The following TNRC6C variants were observed in gnomAD, a reference collection of about 807,000 sequenced individuals.
The protein encoded by TNRC6C is trinucleotide repeat-containing gene 6C protein.
TNRC6C carries 20 observed loss-of-function variants against 153.7 expected under a neutral mutation model. The observed-to-expected ratio is 0.13, with a 90% CI of 0.09 to 0.19. The LOEUF is 0.19. Ranked by LOEUF, TNRC6C falls within the 10% of genes least tolerant of loss-of-function variation. TNRC6C has a pLI of 1.00. For missense variants in TNRC6C, 1,987 were observed against 2,172.0 expected (o/e 0.91, Z 1.69); for synonymous variants, 811 against 841.4 (o/e 0.96, Z 0.63).
chr17:78,091,548 A>C, exon 14 of TNRC6C: 1 of 1,603,894 alleles, frequency 6.2e-7, no homozygotes, highest in Non-Finnish European at 8.5e-7. Context: ...ACGCACCCCA[A>C]CTCCATGGAT....
At position 78,104,219 on chromosome 17, in the gene TNRC6C, T is replaced by C. The variant is rs1459153246; in HGVS notation, c.4713-266T>C. ...AGTCATTCCTGTTTTTAGCCCAGGA[T>C]GCAAATGACACTGACCCTAAACGAG... is the stretch of plus-strand genomic sequence containing the variant. On this transcript the variant is annotated intron_variant, in intron 19 of 19. Transcript: ENST00000301624. The surrounding 1 kb of genome is among the most constrained non-coding windows in gnomAD (Gnocchi z 6.2). Among the ~76,000 whole-genome samples the C allele has an allele frequency of 6.6e-6, 1 of 152,214 alleles. No homozygotes were observed. The highest frequency in any genetic ancestry group is 1.5e-5 in the Non-Finnish European group (1 of 68,042).
intron 3 of TNRC6C, among the ~76,000 whole-genome samples, chr17:78,051,694 A>G (rs1304505115): frequency 1.3e-5 from 2 of 152,260 alleles, no homozygotes; most frequent in East Asian, 3.9e-4. Flanking sequence ...CATCAAGCGA[A>G]TGTTTTGGTG....
At position 78,098,383 on chromosome 17, in the gene TNRC6C, T is replaced by C. The variant is rs374490552; in HGVS notation, c.4347T>C (p.Pro1449=). Residue 1449 remains proline, a synonymous_variant, in exon 17 of 20, where the codon CCT becomes CCC. Transcript: ENST00000301624. Reference sequence around the variant, plus strand: ...TCAAATCGACGTGGTCCTCTGGCCCTACCTCCCACACGCAAGCCTCTCTGT... The same window carrying C: ...TCAAATCGACGTGGTCCTCTGGCCCCACCTCCCACACGCAAGCCTCTCTGT... 1.1e-5 allele frequency: 17 copies of C among 1,613,834 alleles called. No individual in the cohort carries two copies. The African/African-American group carries it at 1.7e-4, about 16-fold the overall frequency.
At chr17:78,004,795 A>G (rs984635060), upstream of TNRC6C, among the ~76,000 whole-genome samples, 5 of 152,198 alleles carry the variant, frequency 3.3e-5, no homozygotes, top group African/African-American at 1.2e-4. Context: ...TTTAAACAGT[A>G]TACCTATTAG....
At chr17:78,031,054 G>T (rs1478136716) in intron 1 of TNRC6C, among the ~76,000 whole-genome samples, 2 of 151,994 alleles carry the variant, frequency 1.3e-5, no homozygotes, top group Non-Finnish European at 2.9e-5. Flanking sequence ...AGCTAAGATG[G>T]TGCCATACTG....
intron 1 of TNRC6C, among the ~76,000 whole-genome samples, chr17:77,979,014 T>A (rs532868637): frequency 6.6e-6 from 1 of 152,246 alleles, no homozygotes; most frequent in East Asian, 1.9e-4. Flanking sequence ...AGTCAAAAAC[T>A]AAGCATATAA....
At chr17:78,063,808 G>A (rs777334393) in intron 3 of TNRC6C, among the ~76,000 whole-genome samples, 1 of 152,058 alleles carries the variant, frequency 6.6e-6, no homozygotes, top group South Asian at 2.1e-4. Context: ...ATGGTCAAAA[G>A]ATAAACAAGA....
At chr17:78,098,050 G>A (rs569852054) in intron 16 of TNRC6C, among the ~76,000 whole-genome samples, 189 bp downstream of exon 19, 24 of 152,328 alleles carry the variant, frequency 1.6e-4, no homozygotes, top group African/African-American at 5.5e-4. Context: ...CAGCTTGCAC[G>A]CACATGGAAG....
At chr17:78,055,753 G>C (rs1260817339) in intron 3 of TNRC6C, among the ~76,000 whole-genome samples, 1 of 152,132 alleles carries the variant, frequency 6.6e-6, no homozygotes, top group Non-Finnish European at 1.5e-5. Flanking sequence ...GTCTGGCCAT[G>C]GTTGGCAGTC....
intron 3 of TNRC6C, among the ~76,000 whole-genome samples, chr17:78,063,000 C>T (rs1468759520): frequency 6.6e-6 from 1 of 152,074 alleles, no homozygotes; most frequent in African/African-American, 2.4e-5. Flanking sequence ...AATCCCAGCA[C>T]TTTGGGAGGC....
At chr17:78,070,130 T>C (rs755185713) in intron 5 of TNRC6C, among the ~76,000 whole-genome samples, 3 of 151,706 alleles carry the variant, frequency 2.0e-5, no homozygotes, top group Non-Finnish European at 2.9e-5. Flanking sequence ...TCATGAGGAG[T>C]AGAAGTGATT....
intron 1 of TNRC6C, among the ~76,000 whole-genome samples, chr17:78,012,860 G>C (rs35554570): frequency 6.6e-6 from 1 of 152,156 alleles, no homozygotes; most frequent in South Asian, 2.1e-4. Context: ...AAAGGATTTA[G>C]GTTTGGTCAT....
intron 3 of TNRC6C, among the ~76,000 whole-genome samples, chr17:78,058,091 C>A (rs865866757): frequency 6.6e-6 from 1 of 152,174 alleles, no homozygotes; most frequent in Non-Finnish European, 1.5e-5. Flanking sequence ...GCTCCAGAGG[C>A]CGCACTTGAC....
At chr17:78,054,918 G>A (rs1260684345) in intron 3 of TNRC6C, among the ~76,000 whole-genome samples, 2 of 148,526 alleles carry the variant, frequency 1.3e-5, no homozygotes, top group African/African-American at 5.0e-5. Context: ...ACTACTGTAT[G>A]CTACCATACA....
In TNRC6C at chr17:78,079,250, A is replaced by G. The variant is rs1402809499; in HGVS notation, c.3211-145A>G. ...GGTGACAGAACAAGACTCTGTCTCA[A>G]AAAAATTCTCTTGGGTACAAGTTGA... On this transcript the variant is annotated intron_variant, in intron 9 of 19. Coordinates refer to ENST00000301624, the Ensembl canonical transcript of TNRC6C. The surrounding 1 kb of genome is among the most constrained non-coding windows in gnomAD (Gnocchi z 4.3). 6.3e-6 allele frequency: 8 copies of G among 1,262,988 alleles called. No individual in the cohort carries two copies. In the South Asian group the frequency reaches 7.3e-5, roughly 12 times the overall value. The allele number at this position is 1,262,988 out of a possible 1,614,324, so 78.2% of individuals were successfully genotyped here.
chr17:78,028,050 C>T (rs1268633912), intron 1 of TNRC6C, among the ~76,000 whole-genome samples: 1 of 152,260 alleles, frequency 6.6e-6, no homozygotes, highest in African/African-American at 2.4e-5. Context: ...CGCCCGCCAC[C>T]ATGCCCGGCT....
chr17:78,059,446 A>C (rs1292659909), intron 3 of TNRC6C, among the ~76,000 whole-genome samples: 1 of 152,148 alleles, frequency 6.6e-6, no homozygotes, highest in Non-Finnish European at 1.5e-5. Context: ...GTAGGAAGAG[A>C]TGCTTCTCAG....
At position 78,073,019 on chromosome 17, in the gene TNRC6C, C is replaced by T; in HGVS notation, c.2860-18C>T. The T allele has an allele frequency of 6.5e-7, 1 of 1,547,788 alleles. No individual in the cohort carries two copies. The highest frequency in any genetic ancestry group is 8.7e-7 in the Non-Finnish European group (1 of 1,144,262). ...GTTAATTAATGTGCACTAATGAAAACTCTGTTTTCCTACACAGAGAGAGCC... is the reference window on the plus strand; with the variant it reads ...GTTAATTAATGTGCACTAATGAAAATTCTGTTTTCCTACACAGAGAGAGCC... On this transcript the variant is annotated intron_variant, in intron 6 of 19. Transcript: ENST00000301624.
At chr17:78,016,897 C>T (rs1383279928) in intron 1 of TNRC6C, among the ~76,000 whole-genome samples, 2 of 152,152 alleles carry the variant, frequency 1.3e-5, no homozygotes, top group Admixed American at 1.3e-4. Flanking sequence ...CGCCCTTGCC[C>T]ACATGTTATG....
Sources: allele counts gnomAD v4.1 joint callset (sites outside exome capture counted in the v4.1 genomes callset), GRCh38; gene constraint gnomAD v4.1.1; non-coding constraint Gnocchi (gnomAD v3.1); transcripts MANE v1.5; gene names NCBI Gene and HGNC (gene_info 2026-07-23, HGNC 2026-07-21).